Variants in MELTF observed in about 807,000 individuals in gnomAD.
MELTF encodes the protein melanotransferrin.
MELTF carries 67 observed loss-of-function variants against 83.7 expected under a neutral mutation model. The ratio of observed to expected loss-of-function variants is 0.80; its 90% CI spans 0.66 to 0.98. MELTF has a LOEUF of 0.98. Ranked by LOEUF, MELTF falls within the 50% of genes least tolerant of loss-of-function variation. MELTF has a pLI of 0.00. For synonymous variants in MELTF, 462 were observed against 447.6 expected (o/e 1.03, Z -0.41); for missense variants, 1,002 against 1,035.6 (o/e 0.97, Z 0.44).
chr3:197,024,459 C>G lies in MELTF; in HGVS notation c.331G>C (p.Ala111Pro), dbSNP rs1304427321. The change falls in exon 4 of 16, where the codon GCT becomes CCT. Residue 111 changes from alanine to proline, a missense_variant. Transcript: ENST00000296350. The surrounding 1 kb of genome is among the most constrained non-coding windows in gnomAD (Gnocchi z 5.3). ...ACATGGGAGCTCCTCCTGACCACAGCCACGGCGTAATAGGAGGTACCGACC... is the reference window on the plus strand; with the variant it reads ...ACATGGGAGCTCCTCCTGACCACAGGCACGGCGTAATAGGAGGTACCGACC... ...QEVGTSYYAV[A>P]VVRRSSHVTI... 6.3e-7 allele frequency: 1 copy of G among 1,598,908 alleles called. No homozygotes were observed.
At position 197,008,945 on chromosome 3, in the gene MELTF, C is replaced by T. The variant is rs892534639; in HGVS notation, c.1546G>A (p.Ala516Thr). ...VLTAVSEFFN[A>T]SCVPVNNPKN... ...GGGTTGTTCACGGGCACGCAGCTGG[C>T]ATTGAAGAACTCGCTCACTGCTGGG... The change falls in exon 12 of 16, where the codon GCC (alanine) becomes ACC (threonine). Residue 516 changes from alanine to threonine, a missense_variant. By Grantham distance (58) the Ala-to-Thr change is moderately conservative. Transcript: ENST00000296350. This position sits in a 1 kb window ranked among gnomAD's most constrained non-coding sequence, Gnocchi z 5.4. 6.2e-7 allele frequency: 1 copy of T among 1,613,938 alleles called. No individual in the cohort carries two copies. Among genetic ancestry groups the T allele is most frequent in the Admixed American group, 1.7e-5 (1 of 60,018 alleles).
intron 5 of MELTF, among the ~76,000 whole-genome samples, chr3:197,021,734 T>C (rs1437227629): frequency 6.6e-6 from 1 of 152,148 alleles, no homozygotes; most frequent in Non-Finnish European, 1.5e-5. Flanking sequence ...CTCCTTATAA[T>C]CCAGTATGGA....
chr3:197,026,155 G>A (rs1193689859), intron 3 of MELTF: 1 of 159,858 alleles, frequency 6.3e-6, no homozygotes, highest in East Asian at 1.8e-4. Flanking sequence ...CAGCGCAGGT[G>A]TTACTATCCC....
rs1220069348 is a variant in MELTF at position 197,011,845 on chromosome 3, C to A, written c.1234-1051G>T. Among the ~76,000 whole-genome samples the A allele has an allele frequency of 1.3e-5, 2 of 152,098 alleles. No homozygotes were observed. The highest frequency in any genetic ancestry group is 2.9e-5 in the Non-Finnish European group (2 of 68,000). On this transcript the variant is annotated intron_variant, in intron 9 of 15. Transcript: ENST00000296350. The surrounding 1 kb of genome is among the most constrained non-coding windows in gnomAD (Gnocchi z 4.2). ...AGCCCTTTGCTGGGGTTCTGAGGAG[C>A]CCCTGAAGTCTCTCCTCTTCCTGCA... is the stretch of plus-strand genomic sequence containing the variant.
In MELTF at chr3:197,015,372, C is replaced by T. The variant is rs45625439; in HGVS notation, c.1226G>A (p.Arg409Gln). The change falls in exon 9 of 16, where the codon CGG (arginine) becomes CAG (glutamine). Residue 409 changes from arginine (R) to glutamine (Q), a missense_variant. Transcript: ENST00000296350. ...CACCTGCGTGACTCCCACCTGGATC[C>T]GCTCCATGCAGTGTTGGGGGGACTT... The part of the protein sequence containing the change: ...SAKSPQHCME[R>Q]IQAEQVDAVT... 26,759 of 1,561,460 alleles carry T rather than the reference C, an allele frequency of 0.017. 273 individuals are homozygous for T. The highest frequency in any genetic ancestry group is 0.021 in the Non-Finnish European group (23,656 of 1,152,836).
At chr3:197,009,405 A>G (rs571726979) in intron 11 of MELTF, among the ~76,000 whole-genome samples, 7 of 152,342 alleles carry the variant, frequency 4.6e-5, no homozygotes, top group Admixed American at 3.9e-4. Context: ...GGGTCTTGCC[A>G]GTTTCCATGA....
chr3:197,010,779 C>T lies in MELTF; in HGVS notation c.1249G>A (p.Ala417Thr), dbSNP rs151109969. 1.4e-5 allele frequency: 22 copies of T among 1,613,410 alleles called. No homozygotes were observed. In the Admixed American group the frequency reaches 1.5e-4, roughly 11 times the overall value. ...ATGTCCTCGCCACTCAGGGTCACAGCGTCGACCTGCTCAGCCTGAAGGGAA... is the reference window on the plus strand; with the variant it reads ...ATGTCCTCGCCACTCAGGGTCACAGTGTCGACCTGCTCAGCCTGAAGGGAA... ...MERIQAEQVD[A>T]VTLSGEDIYT... Residue 417 changes from alanine to threonine, a missense_variant, in exon 10 of 16, where the codon GCT becomes ACT. Transcript: ENST00000296350.
rs945706138 is a variant in MELTF at position 197,022,948 on chromosome 3, T to C, written c.644+9A>G. 1 of 1,601,838 alleles carries C rather than the reference T, an allele frequency of 6.2e-7. No homozygotes were observed. The highest frequency in any genetic ancestry group is 1.3e-5 in the African/African-American group (1 of 74,418). ...GCCCTCGGCCCCTCCCTGCCCCCAC[T>C]CCGCTCACCGGAAGGCCCCGCTGTA... On this transcript the variant is annotated intron_variant, in intron 5 of 15. Transcript: ENST00000296350. This position sits in a 1 kb window ranked among gnomAD's most constrained non-coding sequence, Gnocchi z 5.1.
chr3:197,003,764 G>T lies in MELTF; in HGVS notation c.2137+137C>A. The T allele has an allele frequency of 1.3e-6, 1 of 795,292 alleles. No individual in the cohort carries two copies. 49.3% of individuals were successfully genotyped at this position (795,292 alleles called of 1,614,324 possible). ...GCAGCCTCCTGGCCAAAATCCTCCC[G>T]GGACACCCCACCTGGACTGCTGCGA... On this transcript the variant is annotated intron_variant, in intron 15 of 15. Coordinates refer to ENST00000296350, the MANE Select transcript of MELTF (RefSeq NM_005929.6). The surrounding 1 kb of genome is among the most constrained non-coding windows in gnomAD (Gnocchi z 6.2).
intron 6 of MELTF, among the ~76,000 whole-genome samples, chr3:197,018,120 CTATTT>C (rs1483421949): frequency 6.6e-6 from 1 of 152,068 alleles, no homozygotes; most frequent in African/African-American, 2.4e-5. Context: ...GTCCTTTTTT[CTATTT>C]TATTTCCTGT....
Position 197,008,669 on chromosome 3 carries a change from C to CA in MELTF, c.1737dup (p.Asp580Ter). ...TGCCCCCACCTACCGTTTGTGTTGT[C>CA]AAAGACGGTTGTGTGCCTGACGAAG... On this transcript the variant is annotated frameshift_variant, in exon 13 of 16. Coordinates refer to ENST00000296350, the MANE Select transcript of MELTF (RefSeq NM_005929.6). LOFTEE classifies it high-confidence loss of function. This position sits in a 1 kb window ranked among gnomAD's most constrained non-coding sequence, Gnocchi z 5.4. 6.2e-7 allele frequency: 1 copy of CA among 1,614,006 alleles called. No individual in the cohort carries two copies. The highest frequency in any genetic ancestry group is 8.5e-7 in the Non-Finnish European group (1 of 1,179,982).
Position 197,027,000 on chromosome 3 carries a change from A to G in MELTF, c.205-241T>C, listed in dbSNP as rs1577949692. ...ACTAATCATTGATTTTGCAGGACTC[A>G]GATATCATAGTAAAAAAATCAGATA... is the stretch of plus-strand genomic sequence containing the variant. On this transcript the variant is annotated intron_variant, in intron 2 of 15. Coordinates refer to ENST00000296350, the MANE Select transcript of MELTF (RefSeq NM_005929.6). 43 of 520,952 alleles carry G rather than the reference A, an allele frequency of 8.3e-5. No individual in the cohort carries two copies. The South Asian group carries it at 1.0e-3, about 13-fold the overall frequency. The allele number at this position is 520,952 out of a possible 1,614,324, so 32.3% of individuals were successfully genotyped here.
rs1194877776 is a variant in MELTF, at chr3:197,022,813, C to T, written c.644+144G>A. On this transcript the variant is annotated intron_variant, in intron 5 of 15. Transcript: ENST00000296350. This position sits in a 1 kb window ranked among gnomAD's most constrained non-coding sequence, Gnocchi z 5.1. ...TTTTTAAACTAACCAGGGCACAGAACTATATAAAGGGTGCTTTGATGAGAC... is the reference window on the plus strand; with the variant it reads ...TTTTTAAACTAACCAGGGCACAGAATTATATAAAGGGTGCTTTGATGAGAC... 5.3e-6 allele frequency: 4 copies of T among 756,888 alleles called. No homozygotes were observed. The African/African-American group carries it at 7.0e-5, about 13-fold the overall frequency. 46.9% of individuals were successfully genotyped at this position (756,888 alleles called of 1,614,324 possible).
At chr3:197,028,820 C>G (rs1719966132) in intron 1 of MELTF, 1 of 152,794 alleles carries the variant, frequency 6.5e-6, no homozygotes, top group South Asian at 2.1e-4. Flanking sequence ...ATGACTCCGC[C>G]CGAAACCAGG....
chr3:197,024,154 AGGCACGGGGCGGGCGGGGGC>A lies in MELTF; in HGVS notation c.487+129_487+148del. On this transcript the variant is annotated intron_variant, in intron 4 of 15. Coordinates refer to ENST00000296350, the MANE Select transcript of MELTF (RefSeq NM_005929.6). The surrounding 1 kb of genome is among the most constrained non-coding windows in gnomAD (Gnocchi z 5.3). ...GCCGGCGGCAGAGTGGAGGCGGGGG[AGGCACGGGGCGGGCGGGGGC>A]TGCTGCGCCTTCCAGGAATGAAGAA... The A allele has an allele frequency of 3.5e-6, 2 of 574,816 alleles. No individual in the cohort carries two copies. Among genetic ancestry groups the A allele is most frequent in the Non-Finnish European group, 4.9e-6 (2 of 411,572 alleles). The allele number at this position is 574,816 out of a possible 1,614,324, so 35.6% of individuals were successfully genotyped here. A position where few individuals can be genotyped will look rare whatever the true frequency, so the allele number is the denominator to read the frequency against.
chr3:197,009,596 GT>G (rs768437288), intron 11 of MELTF, 21 bp downstream of exon 11: 9 of 1,593,038 alleles, frequency 5.6e-6, no homozygotes, highest in Non-Finnish European at 7.7e-6. Context: ...CCCAGTCTGC[GT>G]TCCTAAAAAG....
intron 3 of MELTF, chr3:197,026,374 C>A (rs533580136): frequency 4.7e-6 from 2 of 422,598 alleles, no homozygotes; most frequent in Middle Eastern, 6.5e-4. Flanking sequence ...CCGTGCCCGG[C>A]ACCACGCCAG....
chr3:197,019,211 CG>C, intron 6 of MELTF: 1 of 1,002,680 alleles, frequency 1.0e-6, no homozygotes, highest in Middle Eastern at 5.1e-4. Flanking sequence ...TCCTGTTTTT[CG>C]GCGGCTGCAA....
In MELTF at chr3:197,016,186, T is replaced by C; in HGVS notation, c.1081+3A>G. 2.0e-6 allele frequency: 3 copies of C among 1,523,322 alleles called. No homozygotes were observed. The highest frequency in any genetic ancestry group is 2.7e-6 in the Non-Finnish European group (3 of 1,131,986). 94.4% of individuals were successfully genotyped at this position (1,523,322 alleles called of 1,614,324 possible). A position where few individuals can be genotyped will look rare whatever the true frequency, so the allele number is the denominator to read the frequency against. On this transcript the variant is annotated splice_donor_region_variant and intron_variant, in intron 8 of 15. Coordinates refer to ENST00000296350, the MANE Select transcript of MELTF (RefSeq NM_005929.6). ...TGGCAGCAGTGGGGACAGGTGGACT[T>C]ACGGTTGGGGTCACAGAGCAGACCC...
Sources: gnomAD v4.1 joint callset for allele counts (sites outside exome capture counted in the v4.1 genomes callset) on GRCh38, gnomAD v4.1.1 for gene constraint, Gnocchi (gnomAD v3.1) non-coding constraint, MANE v1.5 for transcripts, NCBI Gene and HGNC (gene_info 2026-07-23, HGNC 2026-07-21) for gene names.